The following FARP2 variants were observed in gnomAD, a reference collection of about 807,000 sequenced individuals.
FARP2 encodes FERM, ARH/RhoGEF and pleckstrin domain protein 2.
A neutral mutation model predicts 130.5 loss-of-function variants in FARP2; 111 were observed. The ratio of observed to expected loss-of-function variants is 0.85; its 90% CI spans 0.73 to 1.00. The LOEUF (loss-of-function observed/expected upper bound fraction) is 1.00, where lower values mean the gene tolerates loss of function less well. FARP2 is among the 50% of genes least tolerant of loss of function. The probability of loss-of-function intolerance (pLI) is 0.00; values close to 1 mark genes in which losing one functional copy is unlikely to be tolerated. For synonymous variants in FARP2, 504 were observed against 516.9 expected, an observed-to-expected ratio of 0.98 and a Z score of 0.34; for missense variants, 1,385 against 1,346.3, an observed-to-expected ratio of 1.03 and a Z score of -0.45.
rs573076039 is a variant in FARP2 at position 241,493,024 on chromosome 2, C to T, written c.2883C>T (p.Tyr961=). ...VVFTNFCLFF[Y]KTHQDDYPLA... ...TTACCAACTTCTGTTTGTTCTTCTA[C>T]AAAACTCATCAGGTACTGGAGTTTC... The change falls in exon 25 of 27, where the codon TAC becomes TAT. Residue 961 remains tyrosine (Y), a synonymous_variant. Transcript: ENST00000264042. 2.6e-4 allele frequency: 416 copies of T among 1,585,382 alleles called. 5 individuals carry two copies. In the South Asian group the frequency reaches 4.5e-3, roughly 17 times the overall value.
intron 12 of FARP2, among the ~76,000 whole-genome samples, chr2:241,440,762 C>T (rs1300742126): frequency 6.6e-6 from 1 of 152,132 alleles, no homozygotes; most frequent in Non-Finnish European, 1.5e-5. Flanking sequence ...TTCACTCCCT[C>T]TCCAGCTGTA....
At chr2:241,371,842 A>G (rs1559707237) in intron 1 of FARP2, among the ~76,000 whole-genome samples, 2 of 152,158 alleles carry the variant, frequency 1.3e-5, no homozygotes, top group South Asian at 2.1e-4. Context: ...TAAATAATAG[A>G]TTATTAATAA....
chr2:241,385,044 A>G (rs2061752434), intron 2 of FARP2, among the ~76,000 whole-genome samples: 1 of 152,220 alleles, frequency 6.6e-6, no homozygotes, highest in African/African-American at 2.4e-5. Flanking sequence ...CATCATATAA[A>G]ATTAGACTTG....
intron 19 of FARP2, among the ~76,000 whole-genome samples, chr2:241,477,361 C>G (rs1260058192): frequency 6.6e-6 from 1 of 152,092 alleles, no homozygotes; most frequent in Non-Finnish European, 1.5e-5. Flanking sequence ...AGCTCTTGAC[C>G]TTGTGATCCA....
At chr2:241,417,863 G>A in intron 7 of FARP2, 99 bp from the exon 8 acceptor site, 5 of 1,327,628 alleles carry the variant, frequency 3.8e-6, no homozygotes, top group Non-Finnish European at 5.3e-6. Flanking sequence ...AACACACAAA[G>A]CCTTCATTGT....
At chr2:241,461,479 C>T (rs2064015704) in intron 14 of FARP2, among the ~76,000 whole-genome samples, 2 of 152,246 alleles carry the variant, frequency 1.3e-5, no homozygotes, top group Admixed American at 1.3e-4. Context: ...CACATTGCTC[C>T]AGCCCCTTGA....
chr2:241,416,658 G>A (rs1313561390), intron 7 of FARP2, among the ~76,000 whole-genome samples: 1 of 152,174 alleles, frequency 6.6e-6, no homozygotes, highest in Non-Finnish European at 1.5e-5. Context: ...CGGGCACAGT[G>A]GCTCATGCCT....
chr2:241,366,102 A>AT lies in FARP2; in HGVS notation c.-24-6982_-24-6981insT, dbSNP rs1388297069. ...AGACCTCATCACTACTAAAAAAAAA[A>AT]AAATATATATATATATATACGTATA... On this transcript the variant is annotated intron_variant, in intron 1 of 26. Transcript: ENST00000264042. 9.7e-3 allele frequency among the ~76,000 whole-genome samples: 337 copies of AT among 34,678 alleles called. 5 individuals are homozygous for AT. Among genetic ancestry groups the AT allele is most frequent in the African/African-American group, 0.016 (193 of 12,330 alleles). 22.8% of individuals were successfully genotyped at this position (34,678 alleles called of 152,430 possible). A position where few individuals can be genotyped will look rare whatever the true frequency, so the allele number is the denominator to read the frequency against.
chr2:241,462,637 A>ATT, intron 15 of FARP2, 25 bp downstream of exon 15: 4 of 1,425,254 alleles, frequency 2.8e-6, no homozygotes, highest in South Asian at 1.2e-5. Flanking sequence ...GATTACTTTG[A>ATT]TTTTTTTTTA....
At chr2:241,417,936 TATG>T (rs1283957453) in intron 7 of FARP2, 23 bp from the exon 8 acceptor site, 1 of 1,613,496 alleles carries the variant, frequency 6.2e-7, no homozygotes, top group Non-Finnish European at 8.5e-7. Context: ...GTTTGTAGTG[TATG>T]ATTCTACCAT....
intron 7 of FARP2, among the ~76,000 whole-genome samples, chr2:241,414,563 C>T (rs117774180): frequency 7.2e-5 from 11 of 152,344 alleles, no homozygotes; most frequent in East Asian, 3.9e-4. Context: ...CTGGTTTGAA[C>T]GGCACAGACT....
intron 13 of FARP2, chr2:241,442,009 G>A: frequency 2.8e-6 from 1 of 360,016 alleles, no homozygotes; most frequent in Non-Finnish European, 5.5e-6. Context: ...GAACACAGAA[G>A]ACGGTTTTGC....
chr2:241,360,293 G>T (rs1377084251), intron 1 of FARP2, among the ~76,000 whole-genome samples: 1 of 152,130 alleles, frequency 6.6e-6, no homozygotes, highest in Non-Finnish European at 1.5e-5. Context: ...TACAATTTGG[G>T]GGAAGGGGAG....
intron 14 of FARP2, among the ~76,000 whole-genome samples, chr2:241,458,449 G>T (rs145924606): frequency 1.3e-5 from 2 of 152,188 alleles, no homozygotes; most frequent in Non-Finnish European, 2.9e-5. Context: ...GATGGCACAG[G>T]CAGGGCAGTC....
chr2:241,419,280 A>G (rs572014084), intron 8 of FARP2, among the ~76,000 whole-genome samples: 1 of 152,300 alleles, frequency 6.6e-6, no homozygotes, highest in African/African-American at 2.4e-5. Flanking sequence ...TTAGCAATCC[A>G]TGCCTTCAGG....
chr2:241,372,074 A>T (rs2061435933), intron 1 of FARP2, among the ~76,000 whole-genome samples: 1 of 150,122 alleles, frequency 6.7e-6, no homozygotes, highest in South Asian at 2.1e-4. Context: ...CAGTGCATTA[A>T]ATAAATAATG....
At chr2:241,402,882 T>TATATATA (rs2062230158) in intron 2 of FARP2, among the ~76,000 whole-genome samples, 2 of 26,406 alleles carry the variant, frequency 7.6e-5, no homozygotes, top group African/African-American at 1.7e-4. Context: ...ATATATATAT[T>TATATATA]TTTTTTTTTT....
chr2:241,407,024 G>A (rs2062376553), intron 4 of FARP2, among the ~76,000 whole-genome samples: 1 of 151,008 alleles, frequency 6.6e-6, no homozygotes, highest in African/African-American at 2.4e-5. Context: ...TGGCCAGGAT[G>A]GTCTCGATCT....
Position 241,368,297 on chromosome 2 carries a change from G to T in FARP2, c.-24-4787G>T, listed in dbSNP as rs530911465. ...GGCACAATAAGCTGAGTCCCCCACA[G>T]ATTCTTGGTTGTTTACTTTGCCACT... On this transcript the variant is annotated intron_variant, in intron 1 of 26. Transcript: ENST00000264042. 1.1e-4 allele frequency among the ~76,000 whole-genome samples: 17 copies of T among 152,150 alleles called. No homozygotes were observed. In the South Asian group the frequency reaches 3.5e-3, roughly 32 times the overall value.
Sources: allele counts gnomAD v4.1 joint callset (sites outside exome capture counted in the v4.1 genomes callset), GRCh38; gene constraint gnomAD v4.1.1; transcripts MANE v1.5; gene names NCBI Gene and HGNC (gene_info 2026-07-23, HGNC 2026-07-21).